DNPEP: variants seen among roughly 807,000 people sequenced by gnomAD.
DNPEP encodes the protein aspartyl aminopeptidase.
DNPEP carries 46 observed loss-of-function variants against 59.1 expected under a neutral mutation model. That is an observed-to-expected ratio of 0.78 (90% CI 0.61 to 0.99). The LOEUF is 0.99. Ranked by LOEUF, DNPEP falls within the 50% of genes least tolerant of loss-of-function variation. The probability of loss-of-function intolerance (pLI) is 0.00; values close to 1 mark genes in which losing one functional copy is unlikely to be tolerated. For missense variants in DNPEP, 617 were observed against 649.9 expected, an observed-to-expected ratio of 0.95 and a Z score of 0.55; for synonymous variants, 229 against 242.2, an observed-to-expected ratio of 0.95 and a Z score of 0.50.
intron 13 of DNPEP, among the ~76,000 whole-genome samples, chr2:219,377,185 G>A (rs140985594): frequency 0.02 from 2,759 of 138,944 alleles, 47 homozygotes; most frequent in African/African-American, 0.048. Context: ...GAGACAGAAG[G>A]ATCACTTGAA....
chr2:219,381,659 G>A, intron 11 of DNPEP, 75 bp from the exon 12 acceptor site: 1 of 1,467,520 alleles, frequency 6.8e-7, no homozygotes, highest in Non-Finnish European at 9.5e-7. Flanking sequence ...TCCCATGGCA[G>A]ACATCACTAA....
intron 13 of DNPEP, among the ~76,000 whole-genome samples, chr2:219,378,159 GCT>G (rs1953448372): frequency 6.6e-6 from 1 of 152,098 alleles, no homozygotes; most frequent in African/African-American, 2.4e-5. Context: ...TCCTACTTCT[GCT>G]GTAAATTATT....
upstream of DNPEP, among the ~76,000 whole-genome samples, chr2:219,390,685 C>G (rs893569870): frequency 4.6e-5 from 7 of 152,132 alleles, no homozygotes; most frequent in Non-Finnish European, 1.0e-4. Context: ...AAAAAATTAG[C>G]TGGACATGGT....
At position 219,387,286 on chromosome 2, in the gene DNPEP, C is replaced by T. The variant is rs367637781; in HGVS notation, c.37-123G>A. 4.4e-5 allele frequency: 63 copies of T among 1,441,894 alleles called. No homozygotes were observed. In the African/African-American group the frequency reaches 8.0e-4, roughly 18 times the overall value. The allele number at this position is 1,441,894 out of a possible 1,614,324, so 89.3% of individuals were successfully genotyped here. On this transcript the variant is annotated intron_variant, in intron 1 of 14. Transcript: ENST00000273075. The stretch of plus-strand genomic sequence containing the variant: ...CACTCTAAGGCACAGACCTCTGCTT[C>T]CGCCCGTCCCCACCGAGAGACCCAA...
At position 219,386,898 on chromosome 2, in the gene DNPEP, C is replaced by G. The variant is rs1171539608; in HGVS notation, c.213G>C (p.Glu71Asp). The change falls in exon 3 of 15, where the codon GAG becomes GAC. Residue 71 changes from glutamate to aspartate, a missense_variant. Glu to Asp is a conservative substitution (Grantham distance 45, BLOSUM62 2). Coordinates refer to ENST00000273075, the MANE Select transcript of DNPEP (RefSeq NM_012100.4). ...CCCACCCCACCCCCAGTACCTTGCTCTCGGGCTTAATATTCCATTTCTCAG... is the reference window on the plus strand; with the variant it reads ...CCCACCCCACCCCCAGTACCTTGCTGTCGGGCTTAATATTCCATTTCTCAG... ...KETEKWNIKP[E>D]SKYFMTRNSS... 1 of 1,605,848 alleles carries G rather than the reference C, an allele frequency of 6.2e-7. No individual in the cohort carries two copies. Among genetic ancestry groups the G allele is most frequent in the Non-Finnish European group, 8.5e-7 (1 of 1,172,920 alleles).
At chr2:219,394,210 C>T (rs972490497) in intron 1 of DNPEP, among the ~76,000 whole-genome samples, 2 of 152,044 alleles carry the variant, frequency 1.3e-5, no homozygotes, top group African/African-American at 4.8e-5. Context: ...GTCATTCCAC[C>T]GCAACTTTTC....
chr2:219,375,635 C>T (rs148519990), intron 13 of DNPEP, among the ~76,000 whole-genome samples: 2,908 of 152,218 alleles, frequency 0.019, 36 homozygotes, highest in Middle Eastern at 0.075. Context: ...AATCTCAGCT[C>T]GCTGCAACCT....
Position 219,386,428 on chromosome 2 carries a change from A to G in DNPEP, c.334-17T>C, listed in dbSNP as rs2125142199. ...ACGTTTCACCTGAGTGTAAAGATGG[A>G]GAAGTCAGAGAAGGCTTCATGACGA... is the stretch of plus-strand genomic sequence containing the variant. On this transcript the variant is annotated splice_polypyrimidine_tract_variant and intron_variant, in intron 4 of 14. Coordinates refer to ENST00000273075, the MANE Select transcript of DNPEP (RefSeq NM_012100.4). The G allele has an allele frequency of 1.2e-6, 2 of 1,614,120 alleles. No individual in the cohort carries two copies. The highest frequency in any genetic ancestry group is 4.5e-5 in the East Asian group (2 of 44,886).
rs367795098 is a variant in DNPEP at position 219,380,265 on chromosome 2, G to A, written c.1239+1070C>T. 5.0e-4 allele frequency among the ~76,000 whole-genome samples: 74 copies of A among 149,250 alleles called. 2 individuals are homozygous for A. In the East Asian group the frequency reaches 0.014, roughly 28 times the overall value. ...GGGTCTCACTCTGTCGCCCAGGCTG[G>A]AGTGCAATGGCACGATCTCGGCTCA... On this transcript the variant is annotated intron_variant, in intron 13 of 14. Transcript: ENST00000273075.
chr2:219,383,047 C>A, intron 10 of DNPEP, 84 bp downstream of exon 10: 1 of 1,328,234 alleles, frequency 7.5e-7, no homozygotes, highest in South Asian at 1.2e-5. Flanking sequence ...CCAGAAGAGC[C>A]CTGGCTCACG....
chr2:219,376,455 T>A (rs1272480635), intron 13 of DNPEP, among the ~76,000 whole-genome samples: 1 of 140,070 alleles, frequency 7.1e-6, no homozygotes, highest in East Asian at 2.1e-4. Flanking sequence ...GACACTACAC[T>A]CCAGCCTGGG....
upstream of DNPEP, among the ~76,000 whole-genome samples, chr2:219,392,788 G>A (rs1483856525): frequency 7.9e-5 from 12 of 152,164 alleles, no homozygotes; most frequent in Non-Finnish European, 1.2e-4. Context: ...GGGATTACAC[G>A]TGTGAACCAC....
chr2:219,395,308 A>G (rs1954079639), intron 1 of DNPEP, among the ~76,000 whole-genome samples: 1 of 152,168 alleles, frequency 6.6e-6, no homozygotes, highest in African/African-American at 2.4e-5. Flanking sequence ...CGAGCTGGAC[A>G]GTAGAACCAC....
At chr2:219,383,303 C>T in intron 9 of DNPEP, 89 bp from the exon 10 acceptor site, 2 of 1,063,878 alleles carry the variant, frequency 1.9e-6, no homozygotes, top group Non-Finnish European at 1.4e-6. Context: ...CACGCTCCCC[C>T]ATCCACCAGC....
chr2:219,374,102 C>T lies in DNPEP; in HGVS notation c.*190G>A. 1.7e-6 allele frequency: 1 copy of T among 591,770 alleles called. No individual in the cohort carries two copies. The highest frequency in any genetic ancestry group is 2.8e-5 in the East Asian group (1 of 36,154). The allele number at this position is 591,770 out of a possible 1,614,324, so 36.7% of individuals were successfully genotyped here. A position where few individuals can be genotyped will look rare whatever the true frequency, so the allele number is the denominator to read the frequency against. The stretch of plus-strand genomic sequence containing the variant: ...CATCAGCTCCCAGGAGTGTGGCCTC[C>T]TCCACCTGCTCCCCAACTTTTCTGG... On this transcript the variant is annotated 3_prime_UTR_variant, in exon 15 of 15. Transcript: ENST00000273075.
At position 219,373,749 on chromosome 2, in the gene DNPEP, G is replaced by C. The variant is rs1953263931; in HGVS notation, c.*543C>G. On this transcript the variant is annotated 3_prime_UTR_variant, in exon 15 of 15. Coordinates refer to ENST00000273075, the MANE Select transcript of DNPEP (RefSeq NM_012100.4). ...ATCAAGTAATACCAGGGACTGCTGA[G>C]AAGTGGATGATGAAGGGTGATAAGG... 1 of 153,232 alleles carries C rather than the reference G, an allele frequency of 6.5e-6. No individual in the cohort carries two copies. Among genetic ancestry groups the C allele is most frequent in the South Asian group, 2.1e-4 (1 of 4,860 alleles). 9.5% of individuals were successfully genotyped at this position (153,232 alleles called of 1,614,324 possible). A position where few individuals can be genotyped will look rare whatever the true frequency, so the allele number is the denominator to read the frequency against.
At chr2:219,388,095 C>T (rs1292829004), upstream of DNPEP, 3 of 312,572 alleles carry the variant, frequency 9.6e-6, no homozygotes, top group African/African-American at 7.7e-5. Flanking sequence ...CTTGGCCGCA[C>T]CGCCCGCCCC....
chr2:219,387,577 T>C (rs1294455473), intron 1 of DNPEP, 182 bp downstream of exon 1: 2 of 1,508,190 alleles, frequency 1.3e-6, no homozygotes, highest in African/African-American at 1.4e-5. Context: ...CGCACCCACC[T>C]AGTCTCTCGC....
At chr2:219,383,717 A>G (rs1018693158) in intron 9 of DNPEP, among the ~76,000 whole-genome samples, 1 of 152,198 alleles carries the variant, frequency 6.6e-6, no homozygotes, top group Non-Finnish European at 1.5e-5. Flanking sequence ...GACAGACTCC[A>G]TCAAGGTGAC....
Sources: allele counts gnomAD v4.1 joint callset (sites outside exome capture counted in the v4.1 genomes callset), GRCh38; gene constraint gnomAD v4.1.1; transcripts MANE v1.5; gene names NCBI Gene and HGNC (gene_info 2026-07-23, HGNC 2026-07-21).